ZDHHC6: variants seen among roughly 807,000 people sequenced by gnomAD.
ZDHHC6 encodes palmitoyltransferase ZDHHC6.
ZDHHC6 carries 32 observed loss-of-function variants against 57.8 expected under a neutral mutation model. The observed-to-expected ratio is 0.55, with a 90% CI of 0.42 to 0.74. The LOEUF is 0.74. Among genes scored for constraint, ZDHHC6 ranks in the 30% least tolerant of loss-of-function variants. ZDHHC6 has a pLI of 0.00. For synonymous variants in ZDHHC6, 128 were observed against 158.0 expected, an observed-to-expected ratio of 0.81 and a Z score of 1.42; for missense variants, 433 against 500.7, an observed-to-expected ratio of 0.86 and a Z score of 1.29.
intron 2 of ZDHHC6, 109 bp downstream of exon 2, chr10:112,445,061 C>T: frequency 7.8e-7 from 1 of 1,276,858 alleles, no homozygotes; most frequent in Non-Finnish European, 1.1e-6. Context: ...TACTTAGTCT[C>T]TGTGAGGACA....
chr10:112,447,296 C>A, upstream of ZDHHC6: 3 of 1,502,132 alleles, frequency 2.0e-6, no homozygotes, highest in Non-Finnish European at 2.7e-6. Flanking sequence ...GGTTCCTAAG[C>A]CGCGGGGCCC....
Position 112,438,384 on chromosome 10 carries a change from T to C in ZDHHC6, c.687A>G (p.Lys229=). 7.2e-7 allele frequency: 1 copy of C among 1,389,904 alleles called. No individual in the cohort carries two copies. The highest frequency in any genetic ancestry group is 9.6e-7 in the Non-Finnish European group (1 of 1,042,046). The allele number at this position is 1,389,904 out of a possible 1,614,324, so 86.1% of individuals were successfully genotyped here. The change falls in exon 6 of 11, where the codon AAA becomes AAG. Residue 229 remains lysine (K), a synonymous_variant. Coordinates refer to ENST00000369405, the MANE Select transcript of ZDHHC6 (RefSeq NM_022494.3). ...TAGAAGTTTTGTTTCTGAGAATTAT[T>C]TTCATCTGGAAATTAAATGATAGTA... is the stretch of plus-strand genomic sequence containing the variant. The part of the protein sequence containing the change: ...AVGMLFFIQM[K]IILRNKTSIE...
chr10:112,439,628 T>C (rs952737352), intron 5 of ZDHHC6, among the ~76,000 whole-genome samples: 1 of 31,298 alleles, frequency 3.2e-5, no homozygotes, highest in Admixed American at 6.2e-4. Flanking sequence ...AGACTCCGTC[T>C]AAAAAAAAAA....
At chr10:112,439,907 A>G (rs144698098) in intron 5 of ZDHHC6, among the ~76,000 whole-genome samples, 1 of 152,212 alleles carries the variant, frequency 6.6e-6, no homozygotes, top group East Asian at 1.9e-4. Flanking sequence ...TAGGGCTGTT[A>G]TGGAGATTAA....
Position 112,443,548 on chromosome 10 carries a change from G to A in ZDHHC6, c.326C>T (p.Ala109Val). The A allele has an allele frequency of 2.5e-6, 4 of 1,613,934 alleles. No individual in the cohort carries two copies. Among genetic ancestry groups the A allele is most frequent in the Non-Finnish European group, 3.4e-6 (4 of 1,179,884 alleles). The change falls in exon 3 of 11, where the codon GCA (alanine) becomes GTA (valine). Residue 109 changes from alanine to valine, a missense_variant. Ala to Val is a moderately conservative substitution (Grantham distance 64, BLOSUM62 0). Coordinates refer to ENST00000369405, the MANE Select transcript of ZDHHC6 (RefSeq NM_022494.3). ...CTTTCTGCAGTGATGTGAACGTGGT[G>A]CCTTGTATGCTTGGCAGACTTTACA... ...QYCKVCQAYK[A>V]PRSHHCRKCN...
chr10:112,427,352 G>A, downstream of ZDHHC6: 1 of 1,611,818 alleles, frequency 6.2e-7, no homozygotes, highest in African/African-American at 1.3e-5. Context: ...AGCACATCCA[G>A]GATTAGGATA....
chr10:112,426,484 A>G (rs561521300), downstream of ZDHHC6: 194 of 744,982 alleles, frequency 2.6e-4, no homozygotes, highest in Non-Finnish European at 4.2e-4. Context: ...GTTTTATGGG[A>G]CTCGGGGATA....
chr10:112,433,179 G>C, intron 8 of ZDHHC6, 61 bp downstream of exon 8: 1 of 1,374,102 alleles, frequency 7.3e-7, no homozygotes, highest in Non-Finnish European at 9.8e-7. Context: ...TAAAAAAACT[G>C]TATGGAAGTA....
chr10:112,440,763 C>A (rs1053711741), intron 4 of ZDHHC6, 68 bp from the exon 5 acceptor site: 33 of 1,435,426 alleles, frequency 2.3e-5, no homozygotes, highest in Non-Finnish European at 3.1e-5. Context: ...TCTACTGTGA[C>A]ACGTAAAACA....
At chr10:112,429,966 T>TGGGG (rs141673449), downstream of ZDHHC6, among the ~76,000 whole-genome samples, 63 of 108,178 alleles carry the variant, frequency 5.8e-4, no homozygotes, top group Non-Finnish European at 9.4e-4. Flanking sequence ...AAGCAGTTGT[T>TGGGG]GGGGGGGGGG....
chr10:112,426,312 G>C, downstream of ZDHHC6: 1 of 1,614,092 alleles, frequency 6.2e-7, no homozygotes, highest in East Asian at 2.2e-5. Flanking sequence ...CTCATTTGCA[G>C]CCAAGCTTGG....
chr10:112,447,215 G>A (rs895099132), upstream of ZDHHC6: 1 of 660,484 alleles, frequency 1.5e-6, no homozygotes. Context: ...AGATTGCGAC[G>A]AACAACCAGG....
chr10:112,440,835 T>A, intron 4 of ZDHHC6, 140 bp from the exon 5 acceptor site: 1 of 549,660 alleles, frequency 1.8e-6, no homozygotes, highest in Non-Finnish European at 2.7e-6. Context: ...ATTTTTATTT[T>A]ATTTTATTTA....
chr10:112,445,241 C>T lies in ZDHHC6; in HGVS notation c.196G>A (p.Val66Ile), dbSNP rs577403278. Residue 66 changes from valine to isoleucine, a missense_variant, in exon 2 of 11, where the codon GTC (valine) becomes ATC (isoleucine). Transcript: ENST00000369405. ...VNFIMLINWT[V>I]MILYNYFNAM... ...TTGAAGTAATTATAAAGAATCATGA[C>T]AGTCCAATTTATCAACATGATGAAA... 1 of 1,614,186 alleles carries T rather than the reference C, an allele frequency of 6.2e-7. No homozygotes were observed. The highest frequency in any genetic ancestry group is 2.2e-5 in the East Asian group (1 of 44,884).
chr10:112,447,291 C>T (rs547199775), upstream of ZDHHC6: 1 of 1,490,658 alleles, frequency 6.7e-7, no homozygotes, highest in South Asian at 1.2e-5. Flanking sequence ...TCCGGGGTTC[C>T]TAAGCCGCGG....
intron 10 of ZDHHC6, among the ~76,000 whole-genome samples, chr10:112,431,624 A>G (rs1449426018): frequency 2.0e-5 from 3 of 152,050 alleles, no homozygotes; most frequent in Non-Finnish European, 2.9e-5. Context: ...TAACATATAC[A>G]TTTCTATATC....
intron 7 of ZDHHC6, among the ~76,000 whole-genome samples, chr10:112,433,748 G>A (rs1334555419): frequency 6.6e-6 from 1 of 152,120 alleles, no homozygotes; most frequent in Non-Finnish European, 1.5e-5. Context: ...GATATAATAG[G>A]AGAAATAAAG....
Position 112,430,497 on chromosome 10 carries a change from C to T in ZDHHC6, c.*307G>A. The T allele has an allele frequency of 5.4e-6, 1 of 184,866 alleles. No homozygotes were observed. Among genetic ancestry groups the T allele is most frequent in the South Asian group, 1.5e-4 (1 of 6,516 alleles). 11.5% of individuals were successfully genotyped at this position (184,866 alleles called of 1,614,324 possible). On this transcript the variant is annotated 3_prime_UTR_variant, in exon 11 of 11. Coordinates refer to ENST00000369405, the MANE Select transcript of ZDHHC6 (RefSeq NM_022494.3). ...CCTGGCAAGGGGGGAACTGTATCTG[C>T]AGGTGAGGTCCAGAGTGTGCAGTGC...
downstream of ZDHHC6, chr10:112,428,231 G>A (rs1342984125): frequency 5.3e-6 from 2 of 379,882 alleles, no homozygotes; most frequent in African/African-American, 2.1e-5. Context: ...CAAGCAAGAT[G>A]CCCACACAAC....
Sources: allele counts gnomAD v4.1 joint callset (sites outside exome capture counted in the v4.1 genomes callset), GRCh38; gene constraint gnomAD v4.1.1; transcripts MANE v1.5; gene names NCBI Gene and HGNC (gene_info 2026-07-23, HGNC 2026-07-21).